TLCD3A: variants seen among roughly 807,000 people sequenced by gnomAD.
TLCD3A encodes the protein TLC domain-containing protein 3A.
In TLCD3A, 17 loss-of-function variants were observed where a neutral mutation model predicts 29.9. That is an observed-to-expected ratio of 0.57 (90% confidence interval 0.39 to 0.85). The LOEUF is 0.85. Ranked by LOEUF, TLCD3A falls within the 40% of genes least tolerant of loss-of-function variation. The pLI is 0.00. For synonymous variants in TLCD3A, 143 were observed against 147.7 expected, an observed-to-expected ratio of 0.97 and a Z score of 0.23; for missense variants, 332 against 350.8, an observed-to-expected ratio of 0.95 and a Z score of 0.43.
intron 2 of TLCD3A, among the ~76,000 whole-genome samples, chr17:735,238 C>T (rs1054360860): frequency 6.6e-6 from 1 of 152,084 alleles, no homozygotes; most frequent in Admixed American, 6.6e-5. Flanking sequence ...TCTTGAACTC[C>T]TGACCTCAGG....
At chr17:740,345 AG>A (rs1190866456) in intron 3 of TLCD3A, among the ~76,000 whole-genome samples, 159 bp from the exon 4 acceptor site, 1 of 152,210 alleles carries the variant, frequency 6.6e-6, no homozygotes, top group Non-Finnish European at 1.5e-5. Flanking sequence ...GGACCATCAA[AG>A]TGCTGTTGCC....
Position 740,660 on chromosome 17 carries a change from A to G in TLCD3A, c.504+60A>G, listed in dbSNP as rs1974237008. 2.7e-6 allele frequency: 4 copies of G among 1,502,810 alleles called. No individual in the cohort carries two copies. The East Asian group carries it at 9.1e-5, about 34-fold the overall frequency. 93.1% of individuals were successfully genotyped at this position (1,502,810 alleles called of 1,614,324 possible). A position where few individuals can be genotyped will look rare whatever the true frequency, so the allele number is the denominator to read the frequency against. On this transcript the variant is annotated intron_variant, in intron 4 of 4. Transcript: ENST00000308278. ...TTCTGATTCAGGCATGTATGAATGA[A>G]ATGACAGAGAGAGTGAGGGTTCTGA...
At position 741,716 on chromosome 17, in the gene TLCD3A, C is replaced by A; in HGVS notation, c.*146C>A. ...TTTTTCTAAAGAATATTCATATTAC[C>A]TCCTTCTTCTAACTTGCCCTATTTG... is the stretch of plus-strand genomic sequence containing the variant. On this transcript the variant is annotated 3_prime_UTR_variant, in exon 5 of 5. Coordinates refer to ENST00000308278, the MANE Select transcript of TLCD3A (RefSeq NM_024792.3). The A allele has an allele frequency of 1.0e-6, 1 of 975,688 alleles. No homozygotes were observed. Among genetic ancestry groups the A allele is most frequent in the Non-Finnish European group, 1.5e-6 (1 of 676,856 alleles). 60.4% of individuals were successfully genotyped at this position (975,688 alleles called of 1,614,324 possible). A position where few individuals can be genotyped will look rare whatever the true frequency, so the allele number is the denominator to read the frequency against.
chr17:737,696 A>G, intron 2 of TLCD3A, 150 bp from the exon 3 acceptor site: 2 of 761,230 alleles, frequency 2.6e-6, no homozygotes, highest in South Asian at 3.4e-5. Context: ...ACTGAGAGCA[A>G]GTGGTCTACT....
Position 734,010 on chromosome 17 carries a change from G to A in TLCD3A, c.206+829G>A, listed in dbSNP as rs80048546. On this transcript the variant is annotated intron_variant, in intron 2 of 4. Coordinates refer to ENST00000308278, the MANE Select transcript of TLCD3A (RefSeq NM_024792.3). Reference sequence around the variant, plus strand: ...AGCTGTCCGTCTCACTCTAGCCTGCGGTCTTACCTGGGATCAATCCTGCTG... The same window carrying A: ...AGCTGTCCGTCTCACTCTAGCCTGCAGTCTTACCTGGGATCAATCCTGCTG... Among the ~76,000 whole-genome samples the A allele has an allele frequency of 1.9e-3, 289 of 152,188 alleles. 7 individuals carry two copies. The East Asian group carries it at 0.046, about 24-fold the overall frequency.
In TLCD3A at chr17:733,274, T is replaced by C; in HGVS notation, c.206+93T>C. 2.4e-6 allele frequency: 3 copies of C among 1,236,120 alleles called. No homozygotes were observed. In the Middle Eastern group the frequency reaches 6.0e-4, roughly 248 times the overall value. 76.6% of individuals were successfully genotyped at this position (1,236,120 alleles called of 1,614,324 possible). Reference sequence around the variant, plus strand: ...CAGCACACGCGCTCAGAAAGCTGACTAATGGGAAAAGCTGGCACCACAATG... The same window carrying C: ...CAGCACACGCGCTCAGAAAGCTGACCAATGGGAAAAGCTGGCACCACAATG... On this transcript the variant is annotated intron_variant, in intron 2 of 4. Transcript: ENST00000308278.
Position 737,927 on chromosome 17 carries a change from G to C in TLCD3A, c.288G>C (p.Trp96Cys), listed in dbSNP as rs367607077. ...YDSYAMYLCE[W>C]CRTRDQNRAP... The stretch of plus-strand genomic sequence containing the variant: ...CGTACGCCATGTACCTCTGTGAATG[G>C]TGCCGAACCAGAGACCAGAACCGTG... The change falls in exon 3 of 5, where the codon TGG becomes TGC. Residue 96 changes from tryptophan to cysteine, a missense_variant. Transcript: ENST00000308278. 39 of 1,613,784 alleles carry C rather than the reference G, an allele frequency of 2.4e-5. No homozygotes were observed. The African/African-American group carries it at 5.1e-4, about 21-fold the overall frequency.
At chr17:735,906 C>T (rs1974146923) in intron 2 of TLCD3A, among the ~76,000 whole-genome samples, 1 of 146,682 alleles carries the variant, frequency 6.8e-6, no homozygotes, top group Non-Finnish European at 1.5e-5. Context: ...ACCCACGAGT[C>T]AGAGGTTGCA....
intron 1 of TLCD3A, 23 bp downstream of exon 1, chr17:732,792 C>A (rs746053148): frequency 2.1e-6 from 3 of 1,440,736 alleles, no homozygotes; most frequent in Non-Finnish European, 2.7e-6. Context: ...CCGAGACGCC[C>A]CCCGAGGCCC....
In TLCD3A at chr17:741,767, A is replaced by G. The variant is rs1181762407; in HGVS notation, c.*197A>G. 3 of 650,194 alleles carry G rather than the reference A, an allele frequency of 4.6e-6. No homozygotes were observed. The highest frequency in any genetic ancestry group is 7.8e-6 in the Non-Finnish European group (3 of 383,652). 40.3% of individuals were successfully genotyped at this position (650,194 alleles called of 1,614,324 possible). A position where few individuals can be genotyped will look rare whatever the true frequency, so the allele number is the denominator to read the frequency against. On this transcript the variant is annotated 3_prime_UTR_variant, in exon 5 of 5. Transcript: ENST00000308278. The stretch of plus-strand genomic sequence containing the variant: ...CAAAAGCACTTTTGTAGTAACAACT[A>G]TTGGGTCCTGTCAGACCTCCACGGA...
In TLCD3A at chr17:737,897, T is replaced by A. The variant is rs1974182031; in HGVS notation, c.258T>A (p.Tyr86Ter). Residue 86 changes from tyrosine to a stop codon, truncating the protein, a stop_gained, in exon 3 of 5, where the codon TAT becomes TAA. Coordinates refer to ENST00000308278, the MANE Select transcript of TLCD3A (RefSeq NM_024792.3). LOFTEE classifies it high-confidence loss of function. Reference protein sequence around the residue: ...YVWFLIPYMIYDSYAMYLCEW... With the variant: ...YVWFLIPYMI ...GGTTTCTGATTCCATACATGATCTA[T>A]GACTCGTACGCCATGTACCTCTGTG... 6.2e-7 allele frequency: 1 copy of A among 1,614,154 alleles called. No homozygotes were observed.
chr17:741,435 A>G lies in TLCD3A; in HGVS notation c.639A>G (p.Gln213=), dbSNP rs763261727. ...GCCAGCAGGGACTAAGCCTGCTCCAAGTACCCTTCAGCATCCCATTCTACT... is the reference window on the plus strand; with the variant it reads ...GCCAGCAGGGACTAAGCCTGCTCCAGGTACCCTTCAGCATCCCATTCTACT... ...YGRQQGLSLL[Q]VPFSIPFYCN... is the part of the protein sequence containing the mutation. Residue 213 remains glutamine, a synonymous_variant, in exon 5 of 5, where the codon CAA becomes CAG. Coordinates refer to ENST00000308278, the MANE Select transcript of TLCD3A (RefSeq NM_024792.3). 6 of 1,614,184 alleles carry G rather than the reference A, an allele frequency of 3.7e-6. No homozygotes were observed. In the East Asian group the frequency reaches 6.7e-5, roughly 18 times the overall value.
chr17:732,769 G>A lies in TLCD3A; in HGVS notation c.122G>A (p.Arg41Lys), dbSNP rs878913468. Residue 41 changes from arginine (R) to lysine (K), a missense_variant and splice_region_variant, in exon 1 of 5, where the codon AGG becomes AAG. Arg to Lys is a conservative substitution (Grantham distance 26). Coordinates refer to ENST00000308278, the MANE Select transcript of TLCD3A (RefSeq NM_024792.3). ...SRTDCVMISTRLVSSVHAVLA... is the reference protein window; with the variant it reads ...SRTDCVMISTKLVSSVHAVLA... ...ACCGACTGCGTGATGATCAGCACCA[G>A]GTACCGGCGCCGCCGAGACGCCCCC... is the stretch of plus-strand genomic sequence containing the variant. 1.4e-6 allele frequency: 2 copies of A among 1,450,418 alleles called. No homozygotes were observed. The highest frequency in any genetic ancestry group is 1.8e-6 in the Non-Finnish European group (2 of 1,103,486). The allele number at this position is 1,450,418 out of a possible 1,614,324, so 89.8% of individuals were successfully genotyped here. A position where few individuals can be genotyped will look rare whatever the true frequency, so the allele number is the denominator to read the frequency against.
chr17:741,537 C>CT lies in TLCD3A; in HGVS notation c.744dup (p.Asp249Ter). On this transcript the variant is annotated frameshift_variant, in exon 5 of 5. Transcript: ENST00000308278. LOFTEE classifies it high-confidence loss of function. ...TGCTGTGCAGGAAGGCAGTCCGGCT[C>CT]TTTGACACTCCCCAAGCCAAAAAGG... 6.2e-7 allele frequency: 1 copy of CT among 1,613,894 alleles called. No homozygotes were observed. Among genetic ancestry groups the CT allele is most frequent in the Non-Finnish European group, 8.5e-7 (1 of 1,180,034 alleles).
chr17:733,153 C>G lies in TLCD3A; in HGVS notation c.178C>G (p.Arg60Gly). The G allele has an allele frequency of 6.3e-7, 1 of 1,578,574 alleles. No homozygotes were observed. Among genetic ancestry groups the G allele is most frequent in the Non-Finnish European group, 8.6e-7 (1 of 1,164,486 alleles). Residue 60 changes from arginine (R) to glycine (G), a missense_variant, in exon 2 of 5, where the codon CGC becomes GGC. Coordinates refer to ENST00000308278, the MANE Select transcript of TLCD3A (RefSeq NM_024792.3). ...CACCGGCTCGGGGATCGTCATCATT[C>G]GCTCCTGCGACGACGTGATCACCGG... The part of the protein sequence containing the change: ...LATGSGIVII[R>G]SCDDVITGRH...
At chr17:733,601 C>G (rs962938077) in intron 2 of TLCD3A, among the ~76,000 whole-genome samples, 1 of 152,210 alleles carries the variant, frequency 6.6e-6, no homozygotes, top group Non-Finnish European at 1.5e-5. Context: ...AAACGCCGCT[C>G]TTGCTTTTCC....
chr17:741,289 C>T lies in TLCD3A; in HGVS notation c.505-12C>T, dbSNP rs1443363191. Reference sequence around the variant, plus strand: ...TGGTGACCTTACCTTTTTCCTTCCTCTTCTATTGCAGCTAAAGCAGCAGCA... The same window carrying T: ...TGGTGACCTTACCTTTTTCCTTCCTTTTCTATTGCAGCTAAAGCAGCAGCA... On this transcript the variant is annotated splice_polypyrimidine_tract_variant and intron_variant, in intron 4 of 4. Coordinates refer to ENST00000308278, the MANE Select transcript of TLCD3A (RefSeq NM_024792.3). The T allele has an allele frequency of 3.7e-6, 6 of 1,613,030 alleles. No individual in the cohort carries two copies. Among genetic ancestry groups the T allele is most frequent in the Non-Finnish European group, 5.1e-6 (6 of 1,179,452 alleles).
chr17:736,290 A>G (rs1390532198), intron 2 of TLCD3A, among the ~76,000 whole-genome samples: 1 of 152,218 alleles, frequency 6.6e-6, no homozygotes, highest in Admixed American at 6.5e-5. Flanking sequence ...TCTGATGTTC[A>G]GGTAGTTTGA....
chr17:737,527 A>C (rs780211779), intron 2 of TLCD3A, among the ~76,000 whole-genome samples: 4 of 152,138 alleles, frequency 2.6e-5, no homozygotes, highest in African/African-American at 4.8e-5. Context: ...AATCATTTGT[A>C]TATCTATCTA....
Sources: gnomAD v4.1 joint callset for allele counts (sites outside exome capture counted in the v4.1 genomes callset) on GRCh38, gnomAD v4.1.1 for gene constraint, MANE v1.5 for transcripts, NCBI Gene and HGNC (gene_info 2026-07-23, HGNC 2026-07-21) for gene names.